Variants in TRPC6 observed in about 807,000 individuals in gnomAD.
The protein encoded by TRPC6 is short transient receptor potential channel 6.
Under a neutral mutation model 90.7 loss-of-function variants are expected in TRPC6, and 55 were observed. The observed-to-expected ratio is 0.61, with a 90% confidence interval of 0.49 to 0.76. The LOEUF is 0.76. Among genes scored for constraint, TRPC6 ranks in the 30% least tolerant of loss-of-function variants. The pLI is 0.00. For synonymous variants in TRPC6, 393 were observed against 393.0 expected (o/e 1.00, Z 0.00); for missense variants, 989 against 1,122.7 (o/e 0.88, Z 1.70).
intron 1 of TRPC6, among the ~76,000 whole-genome samples, chr11:101,550,797 C>A (rs1048269039): frequency 6.6e-6 from 1 of 151,492 alleles, no homozygotes; most frequent in Non-Finnish European, 1.5e-5. Flanking sequence ...AAATGTAGTA[C>A]TTTGAAATAT....
intron 1 of TRPC6, among the ~76,000 whole-genome samples, chr11:101,563,155 G>A (rs548806108): frequency 5.9e-5 from 9 of 152,230 alleles, no homozygotes; most frequent in African/African-American, 1.2e-4. Context: ...GCTCAATACC[G>A]GTGGTGGCTA....
chr11:101,549,195 C>G (rs967912812), intron 1 of TRPC6, among the ~76,000 whole-genome samples: 3 of 151,896 alleles, frequency 2.0e-5, no homozygotes, highest in African/African-American at 7.2e-5. Context: ...AGTACAAAAT[C>G]AAACACTTTT....
intron 1 of TRPC6, among the ~76,000 whole-genome samples, chr11:101,511,156 AC>A: frequency 6.6e-6 from 1 of 152,356 alleles, no homozygotes. Context: ...AACATTATAC[AC>A]AACTAGCAAG....
At position 101,471,354 on chromosome 11, in the gene TRPC6, C is replaced by T. The variant is rs1441767758; in HGVS notation, c.2238G>A (p.Arg746=). 5 of 1,613,714 alleles carry T rather than the reference C, an allele frequency of 3.1e-6. No individual in the cohort carries two copies. The highest frequency in any genetic ancestry group is 4.2e-6 in the Non-Finnish European group (5 of 1,179,848). ...DDADVEWKFA[R]AKLWFSYFEE... The stretch of plus-strand genomic sequence containing the variant: ...CAAAGTAGGAAAACCAGAGTTTGGC[C>T]CTTGCAAATTTCCACTCCACATCAG... Residue 746 remains arginine (R), a synonymous_variant, in exon 9 of 13, where the codon AGG becomes AGA. Coordinates refer to ENST00000344327, the MANE Select transcript of TRPC6 (RefSeq NM_004621.6).
At position 101,547,245 on chromosome 11, in the gene TRPC6, A is replaced by G. The variant is rs547179906; in HGVS notation, c.170+36089T>C. Among the ~76,000 whole-genome samples the G allele has an allele frequency of 6.1e-5, 9 of 147,906 alleles. No individual in the cohort carries two copies. In the Admixed American group the frequency reaches 6.2e-4, roughly 10 times the overall value. ...TGAGAACAAAAATGTCATTATTATT[A>G]CAAAGCATTAATTATTTTTAGTTAA... On this transcript the variant is annotated intron_variant, in intron 1 of 12. Coordinates refer to ENST00000344327, the MANE Select transcript of TRPC6 (RefSeq NM_004621.6).
At chr11:101,469,876 G>A (rs1487704754) in intron 9 of TRPC6, among the ~76,000 whole-genome samples, 5 of 152,080 alleles carry the variant, frequency 3.3e-5, no homozygotes, top group African/African-American at 9.7e-5. Context: ...AATTCTCAAA[G>A]TACTTTTATA....
At chr11:101,570,424 A>G (rs947315818) in intron 1 of TRPC6, among the ~76,000 whole-genome samples, 3 of 152,226 alleles carry the variant, frequency 2.0e-5, no homozygotes, top group Non-Finnish European at 4.4e-5. Context: ...ACGGATTTAC[A>G]GCCAAATTCT....
intron 11 of TRPC6, among the ~76,000 whole-genome samples, chr11:101,454,119 G>A (rs888617273): frequency 7.2e-5 from 11 of 152,048 alleles, no homozygotes; most frequent in African/African-American, 2.7e-4. Flanking sequence ...CCCCACGTCT[G>A]ACCCACCAAA....
At chr11:101,476,686 T>C in intron 5 of TRPC6, 152 bp from the exon 6 acceptor site, 1 of 713,238 alleles carries the variant, frequency 1.4e-6, no homozygotes, top group Non-Finnish European at 2.5e-6. Flanking sequence ...TCCCATATCC[T>C]CACAAATATC....
chr11:101,498,878 G>A (rs1860020000), intron 2 of TRPC6, among the ~76,000 whole-genome samples: 1 of 151,530 alleles, frequency 6.6e-6, no homozygotes, highest in African/African-American at 2.4e-5. Context: ...ACAACAGAGA[G>A]TCCCCCTTTT....
At chr11:101,495,810 G>C (rs1215342645) in intron 2 of TRPC6, among the ~76,000 whole-genome samples, 1 of 152,034 alleles carries the variant, frequency 6.6e-6, no homozygotes, top group Non-Finnish European at 1.5e-5. Context: ...CACTGAGATA[G>C]ATACCACTCT....
At chr11:101,549,677 T>A (rs573726124) in intron 1 of TRPC6, among the ~76,000 whole-genome samples, 8 of 147,986 alleles carry the variant, frequency 5.4e-5, no homozygotes, top group Non-Finnish European at 1.0e-4. Flanking sequence ...AAAACTTGTA[T>A]GCAAAATGGA....
chr11:101,552,042 TTG>T (rs1240368811), intron 1 of TRPC6, among the ~76,000 whole-genome samples: 10 of 152,080 alleles, frequency 6.6e-5, no homozygotes, highest in Admixed American at 5.9e-4. Context: ...CCCAGGAGGT[TTG>T]TGTCTTTTAT....
At chr11:101,582,181 A>G (rs1006556412) in intron 1 of TRPC6, among the ~76,000 whole-genome samples, 1 of 152,230 alleles carries the variant, frequency 6.6e-6, no homozygotes, top group Non-Finnish European at 1.5e-5. Flanking sequence ...ACCAGTTCTA[A>G]CTATTCTCCT....
chr11:101,528,460 GATCT>G (rs1324325520), intron 1 of TRPC6, among the ~76,000 whole-genome samples: 1 of 152,042 alleles, frequency 6.6e-6, no homozygotes, highest in Non-Finnish European at 1.5e-5. Context: ...TTTTTGATAT[GATCT>G]ATTATGAAAT....
In TRPC6 at chr11:101,564,910, AC is replaced by A. The variant is rs1402923248; in HGVS notation, c.170+18423del. Among the ~76,000 whole-genome samples the A allele has an allele frequency of 2.6e-5, 4 of 152,098 alleles. No homozygotes were observed. In the East Asian group the frequency reaches 7.7e-4, roughly 29 times the overall value. On this transcript the variant is annotated intron_variant, in intron 1 of 12. Transcript: ENST00000344327. ...AATAGAACAGAGAGCCCATAAATAA[AC>A]CGAAGCATATAGGGTTAAATAATTT...
intron 10 of TRPC6, among the ~76,000 whole-genome samples, chr11:101,456,204 T>C (rs1858879985): frequency 6.6e-6 from 1 of 152,090 alleles, no homozygotes; most frequent in South Asian, 2.1e-4. Context: ...CAAGGATAAA[T>C]ACCATCTGGC....
Position 101,473,711 on chromosome 11 carries a change from C to T in TRPC6, c.1807G>A (p.Val603Ile). 2 of 1,613,758 alleles carry T rather than the reference C, an allele frequency of 1.2e-6. No homozygotes were observed. The highest frequency in any genetic ancestry group is 1.1e-5 in the South Asian group (1 of 91,082). Reference protein sequence around the residue: ...IISEGLYAIAVVLSFSRIAYI... With the variant: ...IISEGLYAIAIVLSFSRIAYI... ...GCTATCCTAGAGAAACTTAAAACTACAGCAATTGCATAAAGACCTTCAGAT... is the reference window on the plus strand; with the variant it reads ...GCTATCCTAGAGAAACTTAAAACTATAGCAATTGCATAAAGACCTTCAGAT... Residue 603 changes from valine (V) to isoleucine (I), a missense_variant, in exon 7 of 13, where the codon GTA becomes ATA. Around this residue, in one of 4 missense-constraint regions of TRPC6, gnomAD observed 118 missense variants for 197.6 expected, o/e 0.60. Coordinates refer to ENST00000344327, the MANE Select transcript of TRPC6 (RefSeq NM_004621.6).
chr11:101,552,072 T>C (rs921860240), intron 1 of TRPC6, among the ~76,000 whole-genome samples: 4 of 152,104 alleles, frequency 2.6e-5, no homozygotes, highest in Non-Finnish European at 5.9e-5. Flanking sequence ...CATGAAACTA[T>C]GGCGGGCCAT....
Sources: gnomAD v4.1 joint callset for allele counts (sites outside exome capture counted in the v4.1 genomes callset) on GRCh38, gnomAD v4.1.1 for gene constraint, gnomAD v4.1.1 regional missense constraint, MANE v1.5 for transcripts, NCBI Gene and HGNC (gene_info 2026-07-23, HGNC 2026-07-21) for gene names.